SLC9A5: variants seen among roughly 807,000 people sequenced by gnomAD.
SLC9A5 encodes the protein sodium/hydrogen exchanger 5.
Under a neutral mutation model 91.7 loss-of-function variants are expected in SLC9A5, and 52 were observed. That is an observed-to-expected ratio of 0.57 (90% CI 0.45 to 0.71). SLC9A5 has a LOEUF of 0.71. Among genes scored for constraint, SLC9A5 ranks in the 30% least tolerant of loss-of-function variants. SLC9A5 has a pLI of 0.00. For synonymous variants in SLC9A5, 419 were observed against 474.5 expected (o/e 0.88, Z 1.52); for missense variants, 871 against 1,158.9 (o/e 0.75, Z 3.61).
chr16:67,268,699 TATATATA>T (rs1567421690), intron 15 of SLC9A5, among the ~76,000 whole-genome samples: 3 of 92,646 alleles, frequency 3.2e-5, no homozygotes, highest in African/African-American at 1.2e-4. Flanking sequence ...TATATATATA[TATATATA>T]TATATTTTTA....
rs1447754465 is a variant in SLC9A5, at chr16:67,264,467, A to T, written c.1958A>T (p.His653Leu). The change falls in exon 13 of 16, where the codon CAC (histidine) becomes CTC (leucine). Residue 653 changes from histidine to leucine, a missense_variant. By Grantham distance (99) the His-to-Leu change is moderately conservative (BLOSUM62 -3). Transcript: ENST00000299798. ...RRLESFKSTK[H>L]NICFTKSKPR... Reference sequence around the variant, plus strand: ...CTGGAGTCCTTTAAGTCCACCAAGCACAACATCTGCTTCACCAAGAGCAAG... The same window carrying T: ...CTGGAGTCCTTTAAGTCCACCAAGCTCAACATCTGCTTCACCAAGAGCAAG... 1 of 1,614,192 alleles carries T rather than the reference A, an allele frequency of 6.2e-7. No individual in the cohort carries two copies. The highest frequency in any genetic ancestry group is 8.5e-7 in the Non-Finnish European group (1 of 1,180,034).
chr16:67,266,894 C>CT (rs1391036069), intron 15 of SLC9A5, among the ~76,000 whole-genome samples: 2 of 126,934 alleles, frequency 1.6e-5, no homozygotes, highest in African/African-American at 6.1e-5. Context: ...TTGCTATAAT[C>CT]TTTTTTTTCT....
At chr16:67,253,221 A>C (rs1249197685) in intron 2 of SLC9A5, among the ~76,000 whole-genome samples, 1 of 151,896 alleles carries the variant, frequency 6.6e-6, no homozygotes, top group African/African-American at 2.4e-5. Flanking sequence ...TCCCCAGGCC[A>C]GGTCTGGGTG....
In SLC9A5 at chr16:67,256,572, G is replaced by A; in HGVS notation, c.1015G>A (p.Ala339Thr). 6.2e-7 allele frequency: 1 copy of A among 1,614,090 alleles called. No individual in the cohort carries two copies. The highest frequency in any genetic ancestry group is 8.5e-7 in the Non-Finnish European group (1 of 1,179,956). Reference protein sequence around the residue: ...KYTMKTLASCAETVIFMLLGI... With the variant: ...KYTMKTLASCTETVIFMLLGI... ...TACAATGAAGACTCTAGCCAGCTGT[G>A]CTGAGACCGTGATCTTCATGCTGCT... Residue 339 changes from alanine to threonine, a missense_variant, in exon 6 of 16, where the codon GCT becomes ACT. Ala to Thr is a moderately conservative substitution (Grantham distance 58, BLOSUM62 0). Transcript: ENST00000299798. This position sits in a 1 kb window ranked among gnomAD's most constrained non-coding sequence, Gnocchi z 4.1.
Position 67,257,510 on chromosome 16 carries a change from C to T in SLC9A5, c.1426-21C>T. On this transcript the variant is annotated intron_variant, in intron 8 of 15. Coordinates refer to ENST00000299798, the MANE Select transcript of SLC9A5 (RefSeq NM_004594.3). This position sits in a 1 kb window ranked among gnomAD's most constrained non-coding sequence, Gnocchi z 5.1. The stretch of plus-strand genomic sequence containing the variant: ...TTTGGGCAGAGTCCTGATCCAGTCC[C>T]CCTACCCACCCCCCTTCTAGACTTT... 1.2e-6 allele frequency: 2 copies of T among 1,614,070 alleles called. No homozygotes were observed. Among genetic ancestry groups the T allele is most frequent in the Non-Finnish European group, 1.7e-6 (2 of 1,179,946 alleles).
intron 2 of SLC9A5, among the ~76,000 whole-genome samples, chr16:67,254,255 A>C (rs2035230717): frequency 1.3e-5 from 2 of 152,308 alleles, no homozygotes; most frequent in African/African-American, 4.8e-5. Context: ...GAATTGTGTC[A>C]CATCCCTTTG....
chr16:67,267,081 G>GTTTTTTTTT (rs980874306), intron 15 of SLC9A5, among the ~76,000 whole-genome samples: 1 of 47,746 alleles, frequency 2.1e-5, no homozygotes, highest in Non-Finnish European at 3.9e-5. Context: ...CCCAGCTGTT[G>GTTTTTTTTT]TTTTTTTTTT....
rs758329220 is a variant in SLC9A5, at chr16:67,249,168, C to A, written c.154C>A (p.Leu52Met). The change falls in exon 1 of 16, where the codon CTG (leucine) becomes ATG (methionine). Residue 52 changes from leucine (L) to methionine (M), a missense_variant. Physicochemically the swap from Leu to Met is conservative, Grantham distance 15 (BLOSUM62 2). This residue lies in a region of SLC9A5 where 122 missense variants were observed against 114.5 expected (regional missense o/e 1.07). Coordinates refer to ENST00000299798, the MANE Select transcript of SLC9A5 (RefSeq NM_004594.3). ...GGTGGAGGCGCCCTACCTGGTGGCC[C>A]TGTGGATCCTGGTGGCCAGTCTGGC... ...HEVEAPYLVA[L>M]WILVASLAKI... The A allele has an allele frequency of 1.3e-6, 2 of 1,558,606 alleles. No homozygotes were observed. Among genetic ancestry groups the A allele is most frequent in the Admixed American group, 3.7e-5 (2 of 54,198 alleles).
chr16:67,268,920 C>T (rs559136815), intron 15 of SLC9A5, among the ~76,000 whole-genome samples: 2 of 151,116 alleles, frequency 1.3e-5, no homozygotes, highest in Non-Finnish European at 2.9e-5. Flanking sequence ...ACAACCCTCA[C>T]CAGCAAAGGA....
In SLC9A5 at chr16:67,255,343, C is replaced by T; in HGVS notation, c.655-50C>T. ...TCCCAGCAGTCTGTCTCCCAGCAGT[C>T]CCAGTTGCTGCCTTCCCGCCTCACT... On this transcript the variant is annotated intron_variant, in intron 3 of 15. Coordinates refer to ENST00000299798, the MANE Select transcript of SLC9A5 (RefSeq NM_004594.3). The surrounding 1 kb of genome is among the most constrained non-coding windows in gnomAD (Gnocchi z 4.9). 5.1e-6 allele frequency: 8 copies of T among 1,568,994 alleles called. No homozygotes were observed. Among genetic ancestry groups the T allele is most frequent in the Non-Finnish European group, 7.0e-6 (8 of 1,142,180 alleles).
intron 15 of SLC9A5, among the ~76,000 whole-genome samples, chr16:67,267,650 C>A (rs1279109917): frequency 6.6e-6 from 1 of 152,170 alleles, no homozygotes; most frequent in Non-Finnish European, 1.5e-5. Flanking sequence ...GCAGCCTGAC[C>A]TGGAGGAGCA....
intron 12 of SLC9A5, chr16:67,262,068 A>G (rs529473132): frequency 3.0e-6 from 1 of 333,622 alleles, no homozygotes; most frequent in Non-Finnish European, 6.0e-6. Flanking sequence ...GTTAAATGTC[A>G]TCTTATTTGC....
intron 2 of SLC9A5, among the ~76,000 whole-genome samples, chr16:67,254,238 C>G (rs1156908433): frequency 6.6e-6 from 1 of 152,182 alleles, no homozygotes; most frequent in Non-Finnish European, 1.5e-5. Context: ...TTCTCCACAC[C>G]TGCTGAGAAT....
chr16:67,259,798 A>C, intron 11 of SLC9A5, 22 bp from the exon 12 acceptor site: 1 of 1,613,042 alleles, frequency 6.2e-7, no homozygotes, highest in East Asian at 2.2e-5. Flanking sequence ...TCTCCAGCAC[A>C]TGTGTCCCCT....
intron 15 of SLC9A5, 138 bp downstream of exon 15, chr16:67,266,363 T>G: frequency 1.2e-6 from 1 of 852,868 alleles, no homozygotes; most frequent in Non-Finnish European, 1.8e-6. Flanking sequence ...GAGCCTCTTC[T>G]TCATACCAGA....
chr16:67,264,947 G>A, intron 13 of SLC9A5, 93 bp from the exon 14 acceptor site: 1 of 1,314,158 alleles, frequency 7.6e-7, no homozygotes, highest in Non-Finnish European at 1.1e-6. Flanking sequence ...CCCCTGCTGG[G>A]TTAGGAAAAC....
In SLC9A5 at chr16:67,255,663, A is replaced by G. The variant is rs2035288199; in HGVS notation, c.734-90A>G. ...TTGAGCCCCTGGGAGTGCGGTGGGC[A>G]TCATCCCTCACTCCCTGCCAGGCAG... On this transcript the variant is annotated intron_variant, in intron 4 of 15. Coordinates refer to ENST00000299798, the MANE Select transcript of SLC9A5 (RefSeq NM_004594.3). This position sits in a 1 kb window ranked among gnomAD's most constrained non-coding sequence, Gnocchi z 4.9. 7.6e-6 allele frequency: 10 copies of G among 1,321,786 alleles called. No individual in the cohort carries two copies. Among genetic ancestry groups the G allele is most frequent in the Non-Finnish European group, 1.0e-5 (10 of 969,662 alleles). 81.9% of individuals were successfully genotyped at this position (1,321,786 alleles called of 1,614,324 possible).
chr16:67,269,271 A>G (rs1304855321), intron 15 of SLC9A5, among the ~76,000 whole-genome samples: 2 of 147,156 alleles, frequency 1.4e-5, no homozygotes, highest in Non-Finnish European at 3.0e-5. Flanking sequence ...TAAAAATACG[A>G]AAAAAAAAAA....
intron 15 of SLC9A5, among the ~76,000 whole-genome samples, chr16:67,267,204 C>T (rs7200971): frequency 0.22 from 32,542 of 150,816 alleles, 7,069 homozygotes; most frequent in African/African-American, 0.56. Flanking sequence ...CTTCTGCCTC[C>T]GCCTCCCGAG....
Sources: allele counts gnomAD v4.1 joint callset (sites outside exome capture counted in the v4.1 genomes callset), GRCh38; gene constraint gnomAD v4.1.1; regional missense constraint gnomAD v4.1.1; non-coding constraint Gnocchi (gnomAD v3.1); transcripts MANE v1.5; gene names NCBI Gene and HGNC (gene_info 2026-07-23, HGNC 2026-07-21).